Variants in PCDHGA10 observed in about 807,000 individuals in gnomAD.
PCDHGA10 encodes the protein protocadherin gamma-A10.
PCDHGA10 carries 42 observed loss-of-function variants against 59.5 expected under a neutral mutation model. That is an observed-to-expected ratio of 0.71 (90% CI 0.55 to 0.91). The LOEUF is 0.91. Among genes scored for constraint, PCDHGA10 ranks in the 40% least tolerant of loss-of-function variants. PCDHGA10 has a pLI of 0.00. For synonymous variants in PCDHGA10, 511 were observed against 517.2 expected, an observed-to-expected ratio of 0.99 and a Z score of 0.16; for missense variants, 1,111 against 1,198.2, an observed-to-expected ratio of 0.93 and a Z score of 1.07.
At chr5:141,467,360 C>T (rs965838962) in intron 1 of PCDHGA10, among the ~76,000 whole-genome samples, 3 of 152,010 alleles carry the variant, frequency 2.0e-5, no homozygotes, top group Non-Finnish European at 4.4e-5. Context: ...GCCAAATCAA[C>T]GTTTTCTTAT....
At chr5:141,465,894 G>A (rs970043849) in intron 1 of PCDHGA10, among the ~76,000 whole-genome samples, 1 of 152,098 alleles carries the variant, frequency 6.6e-6, no homozygotes, top group Non-Finnish European at 1.5e-5. Flanking sequence ...AGGCCGAGGC[G>A]GGCAAATCAC....
At chr5:141,468,783 G>A (rs908838744) in intron 1 of PCDHGA10, among the ~76,000 whole-genome samples, 7 of 151,460 alleles carry the variant, frequency 4.6e-5, no homozygotes, top group South Asian at 2.1e-4. Context: ...GGAGAATGGC[G>A]TGAACCCGGG....
Position 141,476,854 on chromosome 5 carries a change from G to A in PCDHGA10, c.2437-17953G>A. The A allele has an allele frequency of 6.2e-7, 1 of 1,613,860 alleles. No individual in the cohort carries two copies. The highest frequency in any genetic ancestry group is 1.1e-5 in the South Asian group (1 of 91,088). ...ATGACAATGCGCCTGTCTTCAACCA[G>A]TCCTTGTACCGGGCGCGCGTCCTGG... On this transcript the variant is annotated intron_variant, in intron 1 of 3. Transcript: ENST00000398610. This position sits in a 1 kb window ranked among gnomAD's most constrained non-coding sequence, Gnocchi z 7.6.
intron 1 of PCDHGA10, among the ~76,000 whole-genome samples, chr5:141,458,081 G>GTTT (rs1259527184): frequency 6.6e-6 from 1 of 152,186 alleles, no homozygotes; most frequent in Non-Finnish European, 1.5e-5. Flanking sequence ...CTATATTGCC[G>GTTT]TAAGTTAAGA....
intron 1 of PCDHGA10, chr5:141,421,105 G>A: frequency 1.4e-6 from 1 of 700,910 alleles, no homozygotes; most frequent in Non-Finnish European, 2.3e-6. Context: ...TGGAGACTTA[G>A]AAGTATTTTC....
chr5:141,447,851 C>T (rs961725006), intron 1 of PCDHGA10, among the ~76,000 whole-genome samples: 1 of 151,980 alleles, frequency 6.6e-6, no homozygotes, highest in East Asian at 1.9e-4. Flanking sequence ...TTTGGGAGGC[C>T]GAGGTGGGTG....
At chr5:141,495,984 ATC>A (rs2099765081) in intron 2 of PCDHGA10, among the ~76,000 whole-genome samples, 1 of 149,246 alleles carries the variant, frequency 6.7e-6, no homozygotes, top group East Asian at 2.0e-4. Context: ...CTCTTTCTTT[ATC>A]TCTCTTTTTC....
rs1230185523 is a variant in PCDHGA10, at chr5:141,413,155, G to C, written c.-21G>C. 10 of 1,576,552 alleles carry C rather than the reference G, an allele frequency of 6.3e-6. No individual in the cohort carries two copies. The South Asian group carries it at 1.2e-4, about 18-fold the overall frequency. ...CAACGTGTCCAGTGAGGACTTTGCA[G>C]AATTCTGTAACCAGACTACAATGGC... On this transcript the variant is annotated 5_prime_UTR_variant, in exon 1 of 4. Coordinates refer to ENST00000398610, the MANE Select transcript of PCDHGA10 (RefSeq NM_018913.3).
chr5:141,495,005 C>T (rs555909709), intron 2 of PCDHGA10, 140 bp downstream of exon 2: 1,141 of 1,522,692 alleles, frequency 7.5e-4, no homozygotes, highest in Non-Finnish European at 8.4e-4. Context: ...TCTTGGTGTG[C>T]GGGGGGCTGG....
rs777168071 is a variant in PCDHGA10 at position 141,477,745 on chromosome 5, C to A, written c.2437-17062C>A. The A allele has an allele frequency of 5.0e-6, 8 of 1,613,682 alleles. No homozygotes were observed. The highest frequency in any genetic ancestry group is 6.8e-6 in the Non-Finnish European group (8 of 1,180,042). On this transcript the variant is annotated intron_variant, in intron 1 of 3. Transcript: ENST00000398610. The surrounding 1 kb of genome is among the most constrained non-coding windows in gnomAD (Gnocchi z 4.9). ...TAACAGCTCATATCAGCGATGGGGG[C>A]ACCCCGGTCCTAGCCACCAACATCA...
At position 141,476,513 on chromosome 5, in the gene PCDHGA10, C is replaced by T; in HGVS notation, c.2437-18294C>T. 1 of 1,614,196 alleles carries T rather than the reference C, an allele frequency of 6.2e-7. No individual in the cohort carries two copies. Among genetic ancestry groups the T allele is most frequent in the Non-Finnish European group, 8.5e-7 (1 of 1,180,034 alleles). On this transcript the variant is annotated intron_variant, in intron 1 of 3. Coordinates refer to ENST00000398610, the MANE Select transcript of PCDHGA10 (RefSeq NM_018913.3). The surrounding 1 kb of genome is among the most constrained non-coding windows in gnomAD (Gnocchi z 7.6). ...GATCCAGGACATCAACGACAACAAT[C>T]CTGCTTTCCCTACCCAGGAAATGAA...
chr5:141,421,047 C>G, intron 1 of PCDHGA10: 1 of 552,794 alleles, frequency 1.8e-6, no homozygotes, highest in Middle Eastern at 4.8e-4. Flanking sequence ...CCTCCCCCGC[C>G]TCTACCACAC....
chr5:141,499,073 G>T (rs2099789305), intron 2 of PCDHGA10, among the ~76,000 whole-genome samples: 1 of 152,064 alleles, frequency 6.6e-6, no homozygotes, highest in Admixed American at 6.5e-5. Flanking sequence ...CTTACATTCT[G>T]AAGTTCCTGC....
intron 1 of PCDHGA10, chr5:141,428,344 G>C (rs970552377): frequency 8.4e-6 from 5 of 596,498 alleles, no homozygotes; most frequent in Non-Finnish European, 1.5e-5. Context: ...CTTCTTCCTC[G>C]CAGTGATTTT....
chr5:141,431,206 G>A lies in PCDHGA10; in HGVS notation c.2436+15595G>A, dbSNP rs17097300. On this transcript the variant is annotated intron_variant, in intron 1 of 3. Coordinates refer to ENST00000398610, the MANE Select transcript of PCDHGA10 (RefSeq NM_018913.3). The surrounding 1 kb of genome is among the most constrained non-coding windows in gnomAD (Gnocchi z 4.8). ...AAATTAGTGAAAATGCAGCCACTGA[G>A]ATGCGGTTCCCTCTACCCCACGCCT... The A allele has an allele frequency of 0.041, 66,767 of 1,614,172 alleles. 3,763 individuals carry two copies. Among genetic ancestry groups the A allele is most frequent in the Admixed American group, 0.27 (16,026 of 60,028 alleles).
chr5:141,456,703 G>A (rs528071544), intron 1 of PCDHGA10, among the ~76,000 whole-genome samples: 37 of 152,180 alleles, frequency 2.4e-4, no homozygotes, highest in Non-Finnish European at 4.9e-4. Context: ...GGTGGCTCGC[G>A]CCTGTAATCC....
In PCDHGA10 at chr5:141,477,116, G is replaced by A. The variant is rs771557201; in HGVS notation, c.2437-17691G>A. ...AGACAAGGGCGCCAATCCCGAAGGA[G>A]CACATTGCAAAGTGTTGGTGGAGGT... On this transcript the variant is annotated intron_variant, in intron 1 of 3. Transcript: ENST00000398610. This position sits in a 1 kb window ranked among gnomAD's most constrained non-coding sequence, Gnocchi z 4.9. 1 of 1,614,252 alleles carries A rather than the reference G, an allele frequency of 6.2e-7. No homozygotes were observed. The highest frequency in any genetic ancestry group is 8.5e-7 in the Non-Finnish European group (1 of 1,180,052).
At chr5:141,484,437 T>C (rs2099596528) in intron 1 of PCDHGA10, among the ~76,000 whole-genome samples, 1 of 152,232 alleles carries the variant, frequency 6.6e-6, no homozygotes, top group African/African-American at 2.4e-5. Context: ...ATGTACTGCA[T>C]AAATTTAATT....
At chr5:141,461,312 C>T (rs1318872213) in intron 1 of PCDHGA10, among the ~76,000 whole-genome samples, 1 of 152,064 alleles carries the variant, frequency 6.6e-6, no homozygotes, top group African/African-American at 2.4e-5. Flanking sequence ...TGTTTTTTGA[C>T]TTTTTAATAA....
Sources: gnomAD v4.1 joint callset for allele counts (sites outside exome capture counted in the v4.1 genomes callset) on GRCh38, gnomAD v4.1.1 for gene constraint, Gnocchi (gnomAD v3.1) non-coding constraint, MANE v1.5 for transcripts, NCBI Gene and HGNC (gene_info 2026-07-23, HGNC 2026-07-21) for gene names.